The following SOX5 variants were observed in gnomAD, a reference collection of about 807,000 sequenced individuals.
The protein encoded by SOX5 is SRY-box transcription factor 5, also known as transcription factor SOX-5.
In SOX5, 9 loss-of-function variants were observed where a neutral mutation model predicts 92.0. That is an observed-to-expected ratio of 0.10 (90% CI 0.06 to 0.17). The LOEUF (loss-of-function observed/expected upper bound fraction) is 0.17. Ranked by LOEUF, SOX5 falls within the 10% of genes least tolerant of loss-of-function variation. The pLI is 1.00. For missense variants in SOX5, 642 were observed against 944.5 expected (o/e 0.68, Z 4.20); for synonymous variants, 344 against 336.3 (o/e 1.02, Z -0.25).
In SOX5 at chr12:23,988,835, AC is replaced by A. The variant is rs544383237; in HGVS notation, c.-1-92812del. ...CTTAAGGGATTAAGTTTTCTAAGTC[AC>A]CGAGGTACAAGTCTAGTTGGAGCAA... On this transcript the variant is annotated intron_variant, in intron 4 of 4. Transcript: ENST00000446891. 5.7e-3 allele frequency among the ~76,000 whole-genome samples: 867 copies of A among 152,264 alleles called. 5 individuals are homozygous for A. The highest frequency in any genetic ancestry group is 8.2e-3 in the Non-Finnish European group (559 of 68,018).
chr12:23,853,984 T>C (rs1415999451), intron 2 of SOX5, among the ~76,000 whole-genome samples: 1 of 152,196 alleles, frequency 6.6e-6, no homozygotes, highest in Non-Finnish European at 1.5e-5. Context: ...TGATTAGATA[T>C]AATTTTTCTG....
intron 5 of SOX5, among the ~76,000 whole-genome samples, 187 bp downstream of exon 5, chr12:23,740,680 A>T (rs1274965639): frequency 6.6e-6 from 1 of 152,184 alleles, no homozygotes; most frequent in African/African-American, 2.4e-5. Flanking sequence ...GTTAATAAGC[A>T]TCTTAAAATC....
chr12:24,061,755 A>AC (rs1347295036), intron 4 of SOX5, among the ~76,000 whole-genome samples: 7 of 124,030 alleles, frequency 5.6e-5, no homozygotes, highest in African/African-American at 2.0e-4. Context: ...AAAAAAAAAA[A>AC]AAAAAAAACC....
At chr12:24,154,027 G>A (rs1951917942) in intron 4 of SOX5, among the ~76,000 whole-genome samples, 1 of 152,050 alleles carries the variant, frequency 6.6e-6, no homozygotes, top group Non-Finnish European at 1.5e-5. Flanking sequence ...CTAACCCTTA[G>A]TATGCCCAGG....
At chr12:24,385,069 T>C (rs1958242801) in intron 1 of SOX5, among the ~76,000 whole-genome samples, 1 of 152,176 alleles carries the variant, frequency 6.6e-6, no homozygotes, top group South Asian at 2.1e-4. Flanking sequence ...TATTATGGTA[T>C]ATTGTTATAA....
At chr12:24,038,523 G>T (rs1300484120) in intron 4 of SOX5, among the ~76,000 whole-genome samples, 1 of 151,958 alleles carries the variant, frequency 6.6e-6, no homozygotes, top group African/African-American at 2.4e-5. Flanking sequence ...ACCAAATATT[G>T]CCACATTCTT....
intron 3 of SOX5, among the ~76,000 whole-genome samples, chr12:24,226,177 A>T (rs1158798880): frequency 6.6e-6 from 1 of 152,070 alleles, no homozygotes; most frequent in South Asian, 2.1e-4. Flanking sequence ...TAATATTCTC[A>T]TGGTTCAAAA....
At chr12:23,631,020 C>T (rs1254242479) in intron 8 of SOX5, among the ~76,000 whole-genome samples, 6 of 152,004 alleles carry the variant, frequency 3.9e-5, no homozygotes, top group Admixed American at 6.6e-5. Context: ...TAAGACTCCA[C>T]CCTATGTTAC....
intron 11 of SOX5, among the ~76,000 whole-genome samples, chr12:23,559,725 A>G (rs535974692): frequency 6.6e-6 from 1 of 152,168 alleles, no homozygotes; most frequent in South Asian, 2.1e-4. Flanking sequence ...AAGAAAACAG[A>G]TCTCCACCAC....
At chr12:23,650,879 G>A (rs1157291210) in intron 7 of SOX5, among the ~76,000 whole-genome samples, 3 of 152,020 alleles carry the variant, frequency 2.0e-5, no homozygotes, top group Non-Finnish European at 2.9e-5. Flanking sequence ...TCAGTTTTGT[G>A]GCAAGGCATA....
intron 3 of SOX5, among the ~76,000 whole-genome samples, chr12:23,838,854 G>T (rs1287952260): frequency 1.1e-5 from 1 of 93,544 alleles, no homozygotes; most frequent in Non-Finnish European, 2.2e-5. Context: ...GGGGGGGGGG[G>T]GCGGGGATGG....
At chr12:24,232,013 G>A (rs998657259) in intron 3 of SOX5, among the ~76,000 whole-genome samples, 9 of 152,072 alleles carry the variant, frequency 5.9e-5, no homozygotes, top group African/African-American at 2.2e-4. Context: ...ATCTTCAAAC[G>A]TTCTGAACAA....
At chr12:24,272,271 A>G (rs1014628729) in intron 3 of SOX5, among the ~76,000 whole-genome samples, 5 of 152,226 alleles carry the variant, frequency 3.3e-5, no homozygotes, top group African/African-American at 4.8e-5. Context: ...ATACTATATT[A>G]TATGCATCAG....
At chr12:24,451,623 T>G (rs1942319029) in intron 1 of SOX5, among the ~76,000 whole-genome samples, 1 of 152,216 alleles carries the variant, frequency 6.6e-6, no homozygotes, top group African/African-American at 2.4e-5. Flanking sequence ...TGGAAGATAA[T>G]CTGAAGGACA....
intron 4 of SOX5, among the ~76,000 whole-genome samples, chr12:24,116,657 A>G (rs551197265): frequency 1.3e-5 from 2 of 152,216 alleles, no homozygotes; most frequent in Admixed American, 6.5e-5. Flanking sequence ...TCTGAATTTT[A>G]TTCATGCATT....
intron 9 of SOX5, among the ~76,000 whole-genome samples, chr12:23,584,981 C>T (rs1950524155): frequency 6.6e-6 from 1 of 151,552 alleles, no homozygotes; most frequent in Non-Finnish European, 1.5e-5. Flanking sequence ...CCACATATAC[C>T]TTGAATAGAA....
chr12:23,777,109 T>C (rs2095128476), intron 3 of SOX5, among the ~76,000 whole-genome samples: 1 of 152,200 alleles, frequency 6.6e-6, no homozygotes, highest in Non-Finnish European at 1.5e-5. Flanking sequence ...CAAACATTGG[T>C]TGAATGAATA....
At chr12:23,545,574 C>T (rs1351711877) in intron 12 of SOX5, among the ~76,000 whole-genome samples, 1 of 152,072 alleles carries the variant, frequency 6.6e-6, no homozygotes, top group Non-Finnish European at 1.5e-5. Flanking sequence ...GTGGGCCCGA[C>T]ACTTGACTAT....
intron 2 of SOX5, among the ~76,000 whole-genome samples, chr12:23,873,972 C>T (rs923253091): frequency 5.3e-5 from 8 of 152,102 alleles, no homozygotes; most frequent in Non-Finnish European, 8.8e-5. Context: ...GGTAAGAATA[C>T]GGTTAACTGT....
Sources: allele counts gnomAD v4.1 joint callset (sites outside exome capture counted in the v4.1 genomes callset), GRCh38; gene constraint gnomAD v4.1.1; transcripts MANE v1.5; gene names NCBI Gene and HGNC (gene_info 2026-07-23, HGNC 2026-07-21).